FHIT: variants seen among roughly 807,000 people sequenced by gnomAD.
FHIT encodes bis(5'-adenosyl)-triphosphatase.
In FHIT, 19 loss-of-function variants were observed where a neutral mutation model predicts 17.9. The ratio of observed to expected loss-of-function variants is 1.06; its 90% CI spans 0.74 to 1.56. FHIT has a LOEUF of 1.56. Ranked by LOEUF, FHIT falls within the 40% of genes most tolerant of loss-of-function variation. The probability of loss-of-function intolerance (pLI) is 0.00; values close to 1 mark genes in which losing one functional copy is unlikely to be tolerated. For missense variants in FHIT, 248 were observed against 189.2 expected, an observed-to-expected ratio of 1.31 and a Z score of -1.82; for synonymous variants, 81 against 69.7, an observed-to-expected ratio of 1.16 and a Z score of -0.81.
chr3:60,211,447 A>G (rs748970537), intron 5 of FHIT, among the ~76,000 whole-genome samples: 1 of 152,188 alleles, frequency 6.6e-6, no homozygotes, highest in Non-Finnish European at 1.5e-5. Context: ...AATATTCTAC[A>G]TAATTATAAT....
chr3:60,550,794 T>C lies in FHIT; in HGVS notation c.-17-13815A>G, dbSNP rs186694598. Among the ~76,000 whole-genome samples the C allele has an allele frequency of 4.0e-3, 607 of 152,296 alleles. 4 individuals are homozygous for C. Among genetic ancestry groups the C allele is most frequent in the Admixed American group, 9.0e-3 (138 of 15,298 alleles). On this transcript the variant is annotated intron_variant, in intron 4 of 9. Coordinates refer to ENST00000492590, the MANE Select transcript of FHIT (RefSeq NM_002012.4). ...TATACTTGCCATATTCCAAATACTA[T>C]TCTAGTGGTAAATATGACAGACCAG... is the stretch of plus-strand genomic sequence containing the variant.
chr3:60,029,887 G>GTGTGTGTGTGTC (rs1209885382), intron 5 of FHIT, among the ~76,000 whole-genome samples: 26 of 98,402 alleles, frequency 2.6e-4, no homozygotes, highest in African/African-American at 8.1e-4. Flanking sequence ...CATTGTGTGT[G>GTGTGTGTGTGTC]TGTGTGTGTC....
At chr3:60,594,007 G>A (rs898943529) in intron 4 of FHIT, among the ~76,000 whole-genome samples, 4 of 152,008 alleles carry the variant, frequency 2.6e-5, no homozygotes, top group African/African-American at 4.8e-5. Flanking sequence ...AAAGTAATTA[G>A]GCTTCTCTGA....
At chr3:60,868,458 C>T (rs1240057402) in intron 3 of FHIT, among the ~76,000 whole-genome samples, 3 of 152,268 alleles carry the variant, frequency 2.0e-5, no homozygotes, top group East Asian at 1.9e-4. Context: ...ACTCCCTATT[C>T]TCTTCCTAGT....
At chr3:59,978,699 A>C (rs1025404997) in intron 7 of FHIT, among the ~76,000 whole-genome samples, 20 of 150,622 alleles carry the variant, frequency 1.3e-4, no homozygotes, top group Admixed American at 1.3e-3. Flanking sequence ...ATGCCTATCC[A>C]ATAGTTTTTC....
chr3:60,755,514 T>C (rs2108041257), intron 4 of FHIT, among the ~76,000 whole-genome samples: 1 of 152,328 alleles, frequency 6.6e-6, no homozygotes, highest in African/African-American at 2.4e-5. Flanking sequence ...ATTTGCAACC[T>C]CTGGTTTCTA....
chr3:60,762,857 A>G (rs1255685951), intron 4 of FHIT, among the ~76,000 whole-genome samples: 1 of 152,198 alleles, frequency 6.6e-6, no homozygotes, highest in South Asian at 2.1e-4. Flanking sequence ...GGCAATATCA[A>G]CTGTTCCTTG....
At chr3:59,932,193 T>C (rs780577938) in intron 7 of FHIT, among the ~76,000 whole-genome samples, 2 of 152,180 alleles carry the variant, frequency 1.3e-5, no homozygotes, top group Non-Finnish European at 2.9e-5. Flanking sequence ...CAAGCCTGAG[T>C]AGCTCATCAT....
At chr3:60,337,007 GT>G (rs1446442900) in intron 5 of FHIT, among the ~76,000 whole-genome samples, 1 of 151,978 alleles carries the variant, frequency 6.6e-6, no homozygotes, top group African/African-American at 2.4e-5. Context: ...ATATATACTG[GT>G]TACGTACTTG....
At chr3:60,073,429 G>C (rs1702868192) in intron 5 of FHIT, among the ~76,000 whole-genome samples, 1 of 151,912 alleles carries the variant, frequency 6.6e-6, no homozygotes, top group Admixed American at 6.6e-5. Flanking sequence ...CATTATCCTG[G>C]GACAACAAAC....
chr3:60,632,732 C>G (rs571491008), intron 4 of FHIT, among the ~76,000 whole-genome samples: 1 of 152,190 alleles, frequency 6.6e-6, no homozygotes, highest in African/African-American at 2.4e-5. Flanking sequence ...AATCAACAAA[C>G]CTTAATGTAA....
chr3:60,302,134 G>A (rs1360233354), intron 5 of FHIT, among the ~76,000 whole-genome samples: 2 of 152,140 alleles, frequency 1.3e-5, no homozygotes, highest in South Asian at 2.1e-4. Flanking sequence ...GAATCAATAT[G>A]CTGTGGGAAT....
chr3:61,194,110 TA>T (rs2038790221), intron 2 of FHIT, among the ~76,000 whole-genome samples: 1 of 152,114 alleles, frequency 6.6e-6, no homozygotes, highest in African/African-American at 2.4e-5. Flanking sequence ...CCTCTCTGTG[TA>T]ACGTTCTTTC....
At chr3:61,206,682 T>A (rs1168236349) in intron 1 of FHIT, among the ~76,000 whole-genome samples, 1 of 151,880 alleles carries the variant, frequency 6.6e-6, no homozygotes, top group Non-Finnish European at 1.5e-5. Flanking sequence ...TCCTGAGACT[T>A]TCCTGAAGTT....
chr3:59,972,163 A>G lies in FHIT; in HGVS notation c.279+39208T>C, dbSNP rs139621766. On this transcript the variant is annotated intron_variant, in intron 7 of 9. Coordinates refer to ENST00000492590, the MANE Select transcript of FHIT (RefSeq NM_002012.4). ...GTGAGGATGGGTACTCAGAACCAAG[A>G]TATTAGAGACAGAATGTGCCCTGTT... 2.4e-3 allele frequency among the ~76,000 whole-genome samples: 368 copies of G among 152,252 alleles called. 1 individual carries two copies. The highest frequency in any genetic ancestry group is 7.9e-3 in the Admixed American group (120 of 15,268).
At chr3:60,011,575 CTGAGAG>C (rs71089566) in intron 6 of FHIT, among the ~76,000 whole-genome samples, 175 bp from the exon 7 acceptor site, 66,096 of 151,550 alleles carry the variant, frequency 0.44, 14,823 homozygotes, top group Non-Finnish European at 0.49. Flanking sequence ...CCATTTCCGC[CTGAGAG>C]TAAGTGCGAA....
At chr3:60,107,826 C>T (rs1342520738) in intron 5 of FHIT, among the ~76,000 whole-genome samples, 6 of 152,312 alleles carry the variant, frequency 3.9e-5, no homozygotes, top group Admixed American at 2.6e-4. Flanking sequence ...ATATTAAAAA[C>T]AGGCAGCAGA....
At chr3:60,545,174 T>C (rs1291866292) in intron 4 of FHIT, among the ~76,000 whole-genome samples, 1 of 152,146 alleles carries the variant, frequency 6.6e-6, no homozygotes, top group African/African-American at 2.4e-5. Flanking sequence ...TATATTCTTT[T>C]TACTGGATTT....
intron 8 of FHIT, among the ~76,000 whole-genome samples, chr3:59,783,051 C>G (rs1702670286): frequency 1.3e-5 from 2 of 152,146 alleles, no homozygotes; most frequent in African/African-American, 4.8e-5. Flanking sequence ...GGGGTCCAGT[C>G]TGGGGCTGCT....
Sources: allele counts gnomAD v4.1 joint callset (sites outside exome capture counted in the v4.1 genomes callset), GRCh38; gene constraint gnomAD v4.1.1; transcripts MANE v1.5; gene names NCBI Gene and HGNC (gene_info 2026-07-23, HGNC 2026-07-21).